GPC3: variants seen among roughly 807,000 people sequenced by gnomAD.
The protein encoded by GPC3 is glypican-3.
GPC3 carries 3 observed loss-of-function variants against 34.4 expected under a neutral mutation model. The observed-to-expected ratio is 0.09, with a 90% CI of 0.04 to 0.23. The LOEUF is 0.23. Among genes scored for constraint, GPC3 ranks in the 10% least tolerant of loss-of-function variants. GPC3 has a pLI of 1.00. For missense variants in GPC3, 351 were observed against 445.6 expected, an observed-to-expected ratio of 0.79 and a Z score of 1.91; for synonymous variants, 177 against 174.0, an observed-to-expected ratio of 1.02 and a Z score of -0.13.
At chrX:133,981,279 C>A (rs1254121119) in intron 1 of GPC3, among the ~76,000 whole-genome samples, 1 of 111,542 alleles carries the variant, frequency 9.0e-6, no homozygotes, top group Non-Finnish European at 1.9e-5. Context: ...TGTATGCTTC[C>A]CCACTAGACT....
intron 2 of GPC3, among the ~76,000 whole-genome samples, chrX:133,843,652 T>C (rs1258211844): frequency 1.8e-5 from 2 of 111,494 alleles, no homozygotes; most frequent in African/African-American, 6.5e-5. Context: ...ATTCCCAAAT[T>C]CATAACCCAC....
At chrX:133,634,736 T>A (rs2070401235) in intron 6 of GPC3, among the ~76,000 whole-genome samples, 1 of 111,857 alleles carries the variant, frequency 8.9e-6, no homozygotes, top group African/African-American at 3.3e-5. Flanking sequence ...GTGATGGAAA[T>A]GTTCCAAATT....
In GPC3 at chrX:133,897,492, C is replaced by T. The variant is rs567452474; in HGVS notation, c.337+55558G>A. The stretch of plus-strand genomic sequence containing the variant: ...TTTCTTGTTAAAAGGAATAAAAGAT[C>T]CAACTTCAAGCAACCCCCTTGTATA... On this transcript the variant is annotated intron_variant, in intron 2 of 7. Transcript: ENST00000370818. Among the ~76,000 whole-genome samples, 8 of 109,436 alleles carry T rather than the reference C, an allele frequency of 7.3e-5. No homozygotes were observed. The South Asian group carries it at 3.2e-3, about 44-fold the overall frequency.
At chrX:133,836,772 T>C (rs1757394515) in intron 2 of GPC3, among the ~76,000 whole-genome samples, 1 of 111,141 alleles carries the variant, frequency 9.0e-6, no homozygotes, top group Non-Finnish European at 1.9e-5. Flanking sequence ...GTAATAGTAA[T>C]GATGGTGATG....
chrX:133,593,541 C>T (rs189476272), intron 7 of GPC3, among the ~76,000 whole-genome samples: 1 of 108,687 alleles, frequency 9.2e-6, no homozygotes, highest in African/African-American at 3.3e-5. Flanking sequence ...ACCCTCAGAA[C>T]TCTACTAAGG....
At chrX:133,655,101 T>C (rs186408289) in intron 6 of GPC3, among the ~76,000 whole-genome samples, 40 of 111,747 alleles carry the variant, frequency 3.6e-4, no homozygotes, top group African/African-American at 1.3e-3. Flanking sequence ...TTTAAGTACC[T>C]TTAATCCTGT....
chrX:133,963,102 C>T (rs1051143578), intron 1 of GPC3, among the ~76,000 whole-genome samples: 126 of 112,438 alleles, frequency 1.1e-3, no homozygotes, highest in African/African-American at 3.7e-3. Context: ...CTTTTAGGAA[C>T]GCTTTGTCAA....
At position 133,671,937 on chromosome X, in the gene GPC3, G is replaced by A. The variant is rs183712253; in HGVS notation, c.1293-10087C>T. On this transcript the variant is annotated intron_variant, in intron 5 of 7. Coordinates refer to ENST00000370818, the MANE Select transcript of GPC3 (RefSeq NM_004484.4). ...GATATAAACCTATTTCTATATTTCC[G>A]TTAGTAGCCATTAGCTATATGAGGG... 5.4e-3 allele frequency among the ~76,000 whole-genome samples: 607 copies of A among 111,617 alleles called. 6 individuals are homozygous for A. The highest frequency in any genetic ancestry group is 0.018 in the African/African-American group (568 of 30,717).
chrX:133,695,525 G>A (rs1438329449), intron 4 of GPC3, among the ~76,000 whole-genome samples: 1 of 111,500 alleles, frequency 9.0e-6, no homozygotes, highest in East Asian at 2.8e-4. Flanking sequence ...GGGGAGGGAC[G>A]CCCCTTGGAA....
chrX:133,781,985 T>C (rs1452485462), intron 2 of GPC3, among the ~76,000 whole-genome samples: 1 of 111,806 alleles, frequency 8.9e-6, no homozygotes, highest in Non-Finnish European at 1.9e-5. Context: ...CATAACTTCT[T>C]TTGGATTGGA....
At chrX:133,601,013 T>C (rs1012532630) in intron 6 of GPC3, among the ~76,000 whole-genome samples, 5 of 111,695 alleles carry the variant, frequency 4.5e-5, no homozygotes, top group South Asian at 7.5e-4. Flanking sequence ...ACTATCCCCA[T>C]AGACATTCTG....
chrX:133,898,291 A>G (rs2076128118), intron 2 of GPC3, among the ~76,000 whole-genome samples: 1 of 111,946 alleles, frequency 8.9e-6, no homozygotes, highest in Admixed American at 9.5e-5. Context: ...TGTATCTATC[A>G]TCAATACGTT....
intron 3 of GPC3, among the ~76,000 whole-genome samples, chrX:133,716,192 A>G (rs765244224): frequency 2.2e-4 from 25 of 112,144 alleles, no homozygotes; most frequent in Non-Finnish European, 4.3e-4. Flanking sequence ...AGGATAGGGG[A>G]GAATCTGATT....
chrX:133,682,485 C>T (rs2070954414), intron 5 of GPC3, among the ~76,000 whole-genome samples: 1 of 111,552 alleles, frequency 9.0e-6, no homozygotes, highest in African/African-American at 3.3e-5. Flanking sequence ...GCTGCTCAAC[C>T]ATGGTATAAT....
At chrX:133,603,230 C>A (rs1022510403) in intron 6 of GPC3, among the ~76,000 whole-genome samples, 1 of 110,116 alleles carries the variant, frequency 9.1e-6, no homozygotes, top group East Asian at 2.9e-4. Flanking sequence ...GCACACAGAT[C>A]TGCATCTATT....
At chrX:133,812,571 T>C (rs1486034500) in intron 2 of GPC3, among the ~76,000 whole-genome samples, 1 of 112,210 alleles carries the variant, frequency 8.9e-6, no homozygotes, top group East Asian at 2.8e-4. Context: ...CTCTTGTAAC[T>C]GGACTCTTGC....
chrX:133,794,047 A>G (rs141365237), intron 2 of GPC3, among the ~76,000 whole-genome samples: 70 of 112,346 alleles, frequency 6.2e-4, no homozygotes, highest in African/African-American at 2.0e-3. Flanking sequence ...GAAAAAATAA[A>G]CAGCTCCAAA....
At chrX:133,672,872 G>A (rs2070844212) in intron 5 of GPC3, among the ~76,000 whole-genome samples, 1 of 108,575 alleles carries the variant, frequency 9.2e-6, no homozygotes, top group Admixed American at 9.9e-5. Context: ...GGATGGTCTC[G>A]ATCTCCTGAC....
chrX:133,855,053 T>A (rs959200746), intron 2 of GPC3, among the ~76,000 whole-genome samples: 1 of 112,226 alleles, frequency 8.9e-6, no homozygotes, highest in Non-Finnish European at 1.9e-5. Context: ...AGGAAATATA[T>A]CAGAATGTTA....
Sources: allele counts gnomAD v4.1 joint callset (sites outside exome capture counted in the v4.1 genomes callset), GRCh38; gene constraint gnomAD v4.1.1; transcripts MANE v1.5; gene names NCBI Gene and HGNC (gene_info 2026-07-23, HGNC 2026-07-21).